The following ALDH9A1 variants were observed in gnomAD, a reference collection of about 807,000 sequenced individuals.
ALDH9A1 encodes the protein 4-trimethylaminobutyraldehyde dehydrogenase.
ALDH9A1 carries 42 observed loss-of-function variants against 56.6 expected under a neutral mutation model. That is an observed-to-expected ratio of 0.74 (90% CI 0.58 to 0.96). The LOEUF is 0.96. ALDH9A1 is among the 40% of genes least tolerant of loss of function. ALDH9A1 has a pLI of 0.00. For synonymous variants in ALDH9A1, 242 were observed against 236.0 expected (o/e 1.03, Z -0.23); for missense variants, 661 against 651.5 (o/e 1.01, Z -0.16).
intron 6 of ALDH9A1, among the ~76,000 whole-genome samples, chr1:165,678,989 G>T (rs1649456964): frequency 6.6e-6 from 1 of 152,114 alleles, no homozygotes; most frequent in Non-Finnish European, 1.5e-5. Flanking sequence ...AACCATTTTT[G>T]TTCTATTTTA....
chr1:165,667,274 C>T, intron 9 of ALDH9A1, 35 bp downstream of exon 9: 1 of 1,613,170 alleles, frequency 6.2e-7, no homozygotes, highest in South Asian at 1.1e-5. Context: ...AGCCCCGCTC[C>T]TTCAAAACTG....
At chr1:165,692,017 AGCCCTTCAT>A (rs1649907431) in intron 2 of ALDH9A1, among the ~76,000 whole-genome samples, 1 of 152,248 alleles carries the variant, frequency 6.6e-6, no homozygotes, top group South Asian at 2.1e-4. Context: ...AAATTTCAAC[AGCCCTTCAT>A]GCTAAAAACT....
chr1:165,695,527 G>A (rs1484797660), intron 1 of ALDH9A1, 130 bp from the exon 2 acceptor site: 1 of 909,976 alleles, frequency 1.1e-6, no homozygotes, highest in East Asian at 3.6e-5. Context: ...ATGGAGTCTT[G>A]CTCTGTCACC....
At chr1:165,681,661 A>G (rs1440971955) in intron 4 of ALDH9A1, among the ~76,000 whole-genome samples, 1 of 152,172 alleles carries the variant, frequency 6.6e-6, no homozygotes, top group African/African-American at 2.4e-5. Context: ...CTCCTCTTTG[A>G]TAAGAAGCTT....
rs552075619 is a variant in ALDH9A1 at position 165,665,026 on chromosome 1, T to G, written c.1454A>C (p.Lys485Thr). The change falls in exon 10 of 11, where the codon AAG becomes ACG. Residue 485 changes from lysine to threonine, a missense_variant. Transcript: ENST00000354775. ...ACCTCCCAGCTCCTCACCTGACTTC[T>G]TATATCCACCAAAGGGCAACTCCAC... ...SPVELPFGGY[K>T]KSGFGRENGR... 6.8e-6 allele frequency: 11 copies of G among 1,613,840 alleles called. No individual in the cohort carries two copies. Among genetic ancestry groups the G allele is most frequent in the Non-Finnish European group, 9.3e-6 (11 of 1,179,762 alleles).
chr1:165,685,639 C>G (rs1036898591), intron 2 of ALDH9A1, among the ~76,000 whole-genome samples: 1 of 151,996 alleles, frequency 6.6e-6, no homozygotes, highest in East Asian at 1.9e-4. Context: ...ACATGGTAAA[C>G]GAGGAAGGAC....
At chr1:165,682,637 A>G (rs1356804370) in intron 3 of ALDH9A1, among the ~76,000 whole-genome samples, 1 of 152,168 alleles carries the variant, frequency 6.6e-6, no homozygotes, top group Non-Finnish European at 1.5e-5. Context: ...TGAAAACTTT[A>G]TACACTGTCA....
intron 6 of ALDH9A1, among the ~76,000 whole-genome samples, chr1:165,675,799 T>A (rs1326090646): frequency 6.6e-6 from 1 of 152,182 alleles, no homozygotes; most frequent in Non-Finnish European, 1.5e-5. Context: ...CTGACCCAAG[T>A]AACTTTTGAA....
intron 6 of ALDH9A1, among the ~76,000 whole-genome samples, chr1:165,677,668 C>T (rs1481055031): frequency 1.1e-4 from 16 of 151,938 alleles, no homozygotes; most frequent in Admixed American, 9.8e-4. Context: ...ACCATCCTGG[C>T]TAACATGGTA....
chr1:165,669,033 A>G lies in ALDH9A1; in HGVS notation c.1120-20T>C. On this transcript the variant is annotated intron_variant, in intron 7 of 10. Coordinates refer to ENST00000354775, the MANE Select transcript of ALDH9A1 (RefSeq NM_000696.4). ...AGCACCCTGCCGAAAAGGAAAAAAG[A>G]TATGTTGTATTAAAAATATAACCCC... The G allele has an allele frequency of 1.9e-6, 3 of 1,561,714 alleles. No homozygotes were observed. Among genetic ancestry groups the G allele is most frequent in the Non-Finnish European group, 2.6e-6 (3 of 1,149,754 alleles).
intron 2 of ALDH9A1, among the ~76,000 whole-genome samples, chr1:165,688,546 C>T (rs7368130): frequency 0.69 from 105,107 of 151,452 alleles, 36,736 homozygotes; most frequent in East Asian, 0.98. Context: ...GGCGTAACCC[C>T]ATCTCTACAA....
intron 6 of ALDH9A1, chr1:165,676,872 A>C (rs1292403912): frequency 4.1e-6 from 1 of 246,686 alleles, no homozygotes; most frequent in Non-Finnish European, 7.7e-6. Flanking sequence ...CCCCCAAAAA[A>C]ATATTTAAAG....
At chr1:165,675,404 AGTACCTCTAAT>A (rs1383175031) in intron 6 of ALDH9A1, among the ~76,000 whole-genome samples, 1 of 152,106 alleles carries the variant, frequency 6.6e-6, no homozygotes, top group Non-Finnish European at 1.5e-5. Flanking sequence ...AGTACAAAAG[AGTACCTCTAAT>A]GTGCTACCTT....
chr1:165,680,421 T>C (rs372306386), intron 5 of ALDH9A1, 66 bp downstream of exon 5: 3 of 1,530,584 alleles, frequency 2.0e-6, no homozygotes, highest in East Asian at 4.5e-5. Context: ...AAATATACTC[T>C]GGGTAGGACC....
chr1:165,687,292 G>A (rs1649739019), intron 2 of ALDH9A1, among the ~76,000 whole-genome samples: 3 of 131,978 alleles, frequency 2.3e-5, no homozygotes, highest in African/African-American at 5.5e-5. Context: ...TGGAAGAGGG[G>A]GCAAAAAAAA....
chr1:165,672,512 G>A (rs1571169107), intron 6 of ALDH9A1, among the ~76,000 whole-genome samples: 1 of 152,154 alleles, frequency 6.6e-6, no homozygotes, highest in African/African-American at 2.4e-5. Context: ...AGGGGAGAGA[G>A]AAACAGAGTT....
At position 165,679,516 on chromosome 1, in the gene ALDH9A1, T is replaced by C. The variant is rs1649476930; in HGVS notation, c.856A>G (p.Ile286Val). ...TLELGGKSPL[I>V]IFSDCDMNNA... ...TTCATATCACAGTCTGAGAAGATGA[T>C]GAGTGGAGATTTGCCTCCAAGTTCC... The change falls in exon 6 of 11, where the codon ATC (isoleucine) becomes GTC (valine). Residue 286 changes from isoleucine (I) to valine (V), a missense_variant. Coordinates refer to ENST00000354775, the MANE Select transcript of ALDH9A1 (RefSeq NM_000696.4). 2 of 1,614,052 alleles carry C rather than the reference T, an allele frequency of 1.2e-6. No homozygotes were observed. Among genetic ancestry groups the C allele is most frequent in the Non-Finnish European group, 1.7e-6 (2 of 1,180,016 alleles).
At chr1:165,692,560 A>C (rs1649927634) in intron 2 of ALDH9A1, among the ~76,000 whole-genome samples, 1 of 152,226 alleles carries the variant, frequency 6.6e-6, no homozygotes, top group South Asian at 2.1e-4. Context: ...CAATGAAATA[A>C]AAGAGGACAC....
chr1:165,674,667 C>T (rs1463417785), intron 6 of ALDH9A1, among the ~76,000 whole-genome samples: 2 of 125,652 alleles, frequency 1.6e-5, no homozygotes, highest in African/African-American at 6.2e-5. Context: ...GCCTGGGCAA[C>T]TAAGTGAGAC....
Sources: gnomAD v4.1 joint callset for allele counts (sites outside exome capture counted in the v4.1 genomes callset) on GRCh38, gnomAD v4.1.1 for gene constraint, MANE v1.5 for transcripts, NCBI Gene and HGNC (gene_info 2026-07-23, HGNC 2026-07-21) for gene names.